NME9: variants seen among roughly 807,000 people sequenced by gnomAD.
The protein encoded by NME9 is NME/NM23 family member 9, also known as thioredoxin domain-containing protein 6.
Under a neutral mutation model 44.4 loss-of-function variants are expected in NME9, and 48 were observed. The observed-to-expected ratio is 1.08, with a 90% CI of 0.86 to 1.37. The LOEUF is 1.37. Ranked by LOEUF, NME9 falls within the 40% of genes most tolerant of loss-of-function variation. The probability of loss-of-function intolerance (pLI) is 0.00; values close to 1 mark genes in which losing one functional copy is unlikely to be tolerated. For missense variants in NME9, 325 were observed against 405.2 expected (o/e 0.80, Z 1.70); for synonymous variants, 139 against 147.1 (o/e 0.94, Z 0.40).
chr3:138,301,565 T>A lies in NME9; in HGVS notation c.*75A>T. Reference sequence around the variant, plus strand: ...CAAAAAGTATTGGTACTCAAAAGAGTAAGTTCCGATTCCGGAGGTCTGTTT... The same window carrying A: ...CAAAAAGTATTGGTACTCAAAAGAGAAAGTTCCGATTCCGGAGGTCTGTTT... On this transcript the variant is annotated 3_prime_UTR_variant, in exon 11 of 11. Transcript: ENST00000333911. 1.3e-6 allele frequency: 2 copies of A among 1,520,668 alleles called. No individual in the cohort carries two copies. Among genetic ancestry groups the A allele is most frequent in the South Asian group, 2.4e-5 (2 of 81,966 alleles). 94.2% of individuals were successfully genotyped at this position (1,520,668 alleles called of 1,614,324 possible). A position where few individuals can be genotyped will look rare whatever the true frequency, so the allele number is the denominator to read the frequency against.
rs549574272 is a variant in NME9 at position 138,323,154 on chromosome 3, C to T, written c.91+1719G>A. On this transcript the variant is annotated intron_variant, in intron 2 of 10. Coordinates refer to ENST00000333911, the MANE Select transcript of NME9 (RefSeq NM_001349018.2). ...AATGCTGGCCGGGTGTGCTGGCTTA[C>T]GCCTTAATCCCAGCACTTTGGGAGG... Among the ~76,000 whole-genome samples the T allele has an allele frequency of 1.5e-4, 23 of 152,312 alleles. No individual in the cohort carries two copies. The South Asian group carries it at 3.9e-3, about 26-fold the overall frequency.
chr3:138,278,608 C>G (rs2049547398), intron 8 of NME9, among the ~76,000 whole-genome samples: 1 of 152,082 alleles, frequency 6.6e-6, no homozygotes, highest in Non-Finnish European at 1.5e-5. Context: ...TGAAATGCCA[C>G]TTGGGATTTC....
At chr3:138,319,630 C>T (rs2053335044) in intron 2 of NME9, 49 bp from the exon 3 acceptor site, 1 of 924,868 alleles carries the variant, frequency 1.1e-6, no homozygotes, top group Non-Finnish European at 1.8e-6. Context: ...CAGTGCCCAC[C>T]ACACCATGCA....
intron 8 of NME9, among the ~76,000 whole-genome samples, chr3:138,272,105 T>C (rs990969499): frequency 6.6e-6 from 1 of 152,210 alleles, no homozygotes; most frequent in African/African-American, 2.4e-5. Flanking sequence ...GCAAAATAGC[T>C]ACTAGCCACC....
At chr3:138,272,901 C>T in intron 8 of NME9, 1 of 1,252,768 alleles carries the variant, frequency 8.0e-7, no homozygotes, top group South Asian at 2.1e-5. Flanking sequence ...ACCAGAGTTA[C>T]TATTAAAATA....
intron 8 of NME9, among the ~76,000 whole-genome samples, chr3:138,274,830 A>C (rs1336115348): frequency 6.6e-6 from 1 of 152,190 alleles, no homozygotes; most frequent in African/African-American, 2.4e-5. Flanking sequence ...TCCTGGAATG[A>C]ATCCTTTTTC....
chr3:138,264,796 T>G (rs563523449), intron 8 of NME9, among the ~76,000 whole-genome samples: 14 of 146,726 alleles, frequency 9.5e-5, no homozygotes, highest in Admixed American at 8.8e-4. Flanking sequence ...ACCTTAACCT[T>G]ATATCCAGAA....
At chr3:138,263,226 G>A (rs1237589298) in intron 8 of NME9, among the ~76,000 whole-genome samples, 1 of 152,224 alleles carries the variant, frequency 6.6e-6, no homozygotes, top group Non-Finnish European at 1.5e-5. Context: ...GTGATTATAT[G>A]TAGCAGCACT....
chr3:138,263,975 C>A (rs1266859778), intron 8 of NME9: 2 of 946,120 alleles, frequency 2.1e-6, no homozygotes, highest in Non-Finnish European at 1.7e-6. Context: ...TAACAGAGAG[C>A]CTGGCCTCCA....
intron 8 of NME9, among the ~76,000 whole-genome samples, chr3:138,291,919 G>T (rs1479498201): frequency 2.0e-5 from 3 of 152,208 alleles, no homozygotes; most frequent in African/African-American, 7.2e-5. Flanking sequence ...AGCCTTGTAG[G>T]TAAGGTAAGG....
intron 1 of NME9, among the ~76,000 whole-genome samples, chr3:138,326,632 A>G (rs1180260412): frequency 6.6e-6 from 1 of 151,430 alleles, no homozygotes; most frequent in Non-Finnish European, 1.5e-5. Flanking sequence ...ACAGGGTTTC[A>G]CCATGTTGGC....
intron 8 of NME9, chr3:138,274,517 G>A (rs780728577): frequency 2.3e-5 from 37 of 1,612,860 alleles, no homozygotes; most frequent in Non-Finnish European, 3.1e-5. Flanking sequence ...TTCTAGAAGG[G>A]GAACATAACA....
chr3:138,288,774 A>G (rs1012090230), intron 8 of NME9, among the ~76,000 whole-genome samples: 1 of 151,350 alleles, frequency 6.6e-6, no homozygotes, highest in African/African-American at 2.4e-5. Flanking sequence ...AGTAGCTGAG[A>G]TTACAGGCGC....
chr3:138,307,300 C>G (rs980754375), intron 6 of NME9, among the ~76,000 whole-genome samples: 1 of 152,220 alleles, frequency 6.6e-6, no homozygotes, highest in Non-Finnish European at 1.5e-5. Context: ...TGCTTAGTCC[C>G]ACAGGAGCTG....
intron 8 of NME9, among the ~76,000 whole-genome samples, chr3:138,276,580 T>G (rs2049316482): frequency 6.6e-6 from 1 of 152,170 alleles, no homozygotes. Flanking sequence ...ATAAATGAGT[T>G]AAGCAAGGTC....
At chr3:138,285,729 G>A (rs2050345271) in intron 8 of NME9, among the ~76,000 whole-genome samples, 1 of 152,170 alleles carries the variant, frequency 6.6e-6, no homozygotes, top group African/African-American at 2.4e-5. Flanking sequence ...CAGGGACCAT[G>A]TCAGCTTTGT....
intron 8 of NME9, among the ~76,000 whole-genome samples, chr3:138,291,864 T>C (rs2050983119): frequency 6.6e-6 from 1 of 152,004 alleles, no homozygotes; most frequent in Admixed American, 6.6e-5. Flanking sequence ...ATGAAAAATA[T>C]GGAGAGGGAG....
chr3:138,292,254 G>A (rs2051027969), intron 8 of NME9, among the ~76,000 whole-genome samples: 1 of 152,094 alleles, frequency 6.6e-6, no homozygotes, highest in African/African-American at 2.4e-5. Flanking sequence ...TGGCCAGGCT[G>A]GTCTCAAACT....
chr3:138,298,049 A>G (rs2051638743), downstream of NME9: 1 of 152,240 alleles, frequency 6.6e-6, no homozygotes. Flanking sequence ...TTCTGATTTG[A>G]ATGAAGGGAA....
Sources: allele counts gnomAD v4.1 joint callset (sites outside exome capture counted in the v4.1 genomes callset), GRCh38; gene constraint gnomAD v4.1.1; transcripts MANE v1.5; gene names NCBI Gene and HGNC (gene_info 2026-07-23, HGNC 2026-07-21).